ANKRD12: variants seen among roughly 807,000 people sequenced by gnomAD.
The protein encoded by ANKRD12 is ankyrin repeat domain-containing protein 12.
Under a neutral mutation model 183.4 loss-of-function variants are expected in ANKRD12, and 85 were observed. That is an observed-to-expected ratio of 0.46 (90% CI 0.39 to 0.56). The LOEUF is 0.56. Ranked by LOEUF, ANKRD12 falls within the 20% of genes least tolerant of loss-of-function variation. The probability of loss-of-function intolerance (pLI) is 0.00; values close to 1 mark genes in which losing one functional copy is unlikely to be tolerated. For missense variants in ANKRD12, 2,405 were observed against 2,357.1 expected, an observed-to-expected ratio of 1.02 and a Z score of -0.42; for synonymous variants, 914 against 800.2, an observed-to-expected ratio of 1.14 and a Z score of -2.40.
chr18:9,217,686 G>A (rs1452832911), intron 7 of ANKRD12, among the ~76,000 whole-genome samples: 1 of 152,078 alleles, frequency 6.6e-6, no homozygotes, highest in East Asian at 1.9e-4. Flanking sequence ...TCTTTTCTCT[G>A]TGCTCCTTTG....
chr18:9,217,092 A>G (rs2036150653), intron 7 of ANKRD12, among the ~76,000 whole-genome samples, 192 bp downstream of exon 7: 1 of 152,126 alleles, frequency 6.6e-6, no homozygotes, highest in Non-Finnish European at 1.5e-5. Context: ...TTTTCTTTTC[A>G]TAAAACCCTT....
At chr18:9,182,171 G>A (rs1039745042) in intron 1 of ANKRD12, among the ~76,000 whole-genome samples, 2 of 152,118 alleles carry the variant, frequency 1.3e-5, no homozygotes, top group African/African-American at 4.8e-5. Flanking sequence ...TACTTGTCTC[G>A]AGAATACAGG....
chr18:9,166,406 T>C (rs200001168), intron 1 of ANKRD12, among the ~76,000 whole-genome samples: 11,244 of 152,176 alleles, frequency 0.074, 428 homozygotes, highest in African/African-American at 0.083. Context: ...TTTTAATGAT[T>C]GCCATTCTGA....
chr18:9,225,499 TATATACATTTGAGATAACA>T, intron 8 of ANKRD12, among the ~76,000 whole-genome samples: 1 of 150,680 alleles, frequency 6.6e-6, no homozygotes, highest in East Asian at 1.9e-4. Flanking sequence ...AGTATTCAAA[TATATACATTTGAGATAACA>T]TACGTATTAA....
chr18:9,148,104 G>C (rs2078554175), intron 1 of ANKRD12, among the ~76,000 whole-genome samples: 1 of 152,150 alleles, frequency 6.6e-6, no homozygotes, highest in Non-Finnish European at 1.5e-5. Flanking sequence ...TGCAAGTAAA[G>C]CTGGCTAACC....
intron 1 of ANKRD12, among the ~76,000 whole-genome samples, chr18:9,143,102 G>A (rs2143376672): frequency 6.6e-6 from 1 of 152,170 alleles, no homozygotes; most frequent in South Asian, 2.1e-4. Flanking sequence ...GAAGTTACTT[G>A]GTAATCAAGG....
intron 8 of ANKRD12, among the ~76,000 whole-genome samples, chr18:9,250,840 C>T (rs1269447162): frequency 6.6e-6 from 1 of 152,086 alleles, no homozygotes; most frequent in African/African-American, 2.4e-5. Flanking sequence ...GGTTGGTATG[C>T]CACGGAGGTG....
intron 1 of ANKRD12, among the ~76,000 whole-genome samples, chr18:9,165,319 C>T (rs190292268): frequency 1.3e-4 from 20 of 151,900 alleles, no homozygotes; most frequent in Middle Eastern, 3.4e-3. Flanking sequence ...CTTTTTTTGG[C>T]GGGGGGCAAT....
intron 8 of ANKRD12, among the ~76,000 whole-genome samples, chr18:9,251,238 C>T (rs1034486): frequency 0.11 from 16,777 of 152,144 alleles, 1,081 homozygotes; most frequent in African/African-American, 0.16. Flanking sequence ...CCACTATATA[C>T]TGTTATCTCC....
rs1238353494 is a variant in ANKRD12, at chr18:9,136,904, G to A, written c.-113G>A. The A allele has an allele frequency of 1.3e-5, 2 of 152,434 alleles. No homozygotes were observed. Among genetic ancestry groups the A allele is most frequent in the Non-Finnish European group, 2.9e-5 (2 of 68,230 alleles). 9.4% of individuals were successfully genotyped at this position (152,434 alleles called of 1,614,324 possible). A position where few individuals can be genotyped will look rare whatever the true frequency, so the allele number is the denominator to read the frequency against. On this transcript the variant is annotated 5_prime_UTR_variant, in exon 1 of 13. Transcript: ENST00000262126. ...TGCAGCGGCGACGAAGACAACGACAGCGACGGCTACGCCGAAGCACTCGTT... is the reference window on the plus strand; with the variant it reads ...TGCAGCGGCGACGAAGACAACGACAACGACGGCTACGCCGAAGCACTCGTT...
chr18:9,256,545 A>G lies in ANKRD12; in HGVS notation c.3278A>G (p.Gln1093Arg). The change falls in exon 9 of 13, where the codon CAG becomes CGG. Residue 1093 changes from glutamine (Q) to arginine (R), a missense_variant. Gln to Arg is a conservative substitution (Grantham distance 43, BLOSUM62 1). Coordinates refer to ENST00000262126, the MANE Select transcript of ANKRD12 (RefSeq NM_015208.5). The part of the protein sequence containing the change: ...MLSLKDLEIE[Q>R]WHKKHKEKIK... ...AGCCTTAAAGACCTAGAAATAGAAC[A>G]GTGGCACAAAAAACATAAGGAAAAA... 1 of 1,599,718 alleles carries G rather than the reference A, an allele frequency of 6.3e-7. No homozygotes were observed. The highest frequency in any genetic ancestry group is 8.5e-7 in the Non-Finnish European group (1 of 1,176,630).
chr18:9,236,864 A>G (rs1420242295), intron 8 of ANKRD12, among the ~76,000 whole-genome samples: 1 of 152,148 alleles, frequency 6.6e-6, no homozygotes, highest in Non-Finnish European at 1.5e-5. Flanking sequence ...TGAAGTGACA[A>G]GTTATGGGCA....
intron 1 of ANKRD12, among the ~76,000 whole-genome samples, chr18:9,162,302 GTTTTC>G (rs1185038529): frequency 3.3e-5 from 5 of 151,686 alleles, no homozygotes; most frequent in African/African-American, 1.2e-4. Context: ...GTGGTGTTTG[GTTTTC>G]TTTTCCTGTG....
At chr18:9,157,481 G>A (rs1168919554) in intron 1 of ANKRD12, among the ~76,000 whole-genome samples, 3 of 151,042 alleles carry the variant, frequency 2.0e-5, no homozygotes, top group South Asian at 4.2e-4. Flanking sequence ...ATTGTAAGTC[G>A]AACCATTGTA....
In ANKRD12 at chr18:9,239,335, A is replaced by T. The variant is rs2037525490; in HGVS notation, c.944-14876A>T. On this transcript the variant is annotated intron_variant, in intron 8 of 12. Coordinates refer to ENST00000262126, the MANE Select transcript of ANKRD12 (RefSeq NM_015208.5). ...CTTGCTTTTAGAAAGAAGTGCTGCAACAAATTTTCCCACGGAAGAAGGGAG... is the reference window on the plus strand; with the variant it reads ...CTTGCTTTTAGAAAGAAGTGCTGCATCAAATTTTCCCACGGAAGAAGGGAG... 1.6e-5 allele frequency: 3 copies of T among 186,198 alleles called. No individual in the cohort carries two copies. In the South Asian group the frequency reaches 3.4e-4, roughly 21 times the overall value. 11.5% of individuals were successfully genotyped at this position (186,198 alleles called of 1,614,324 possible). A position where few individuals can be genotyped will look rare whatever the true frequency, so the allele number is the denominator to read the frequency against.
intron 1 of ANKRD12, among the ~76,000 whole-genome samples, chr18:9,165,360 CAT>C (rs1289413934): frequency 6.6e-6 from 1 of 152,084 alleles, no homozygotes; most frequent in Non-Finnish European, 1.5e-5. Flanking sequence ...ATATACATAA[CAT>C]AGAATTTGGC....
intron 1 of ANKRD12, among the ~76,000 whole-genome samples, chr18:9,153,293 T>A (rs1233327833): frequency 6.6e-6 from 1 of 152,278 alleles, no homozygotes; most frequent in Non-Finnish European, 1.5e-5. Context: ...GTTTGAGTAA[T>A]GATTTTGGTT....
At chr18:9,268,869 A>G (rs576710728) in intron 10 of ANKRD12, among the ~76,000 whole-genome samples, 2 of 152,306 alleles carry the variant, frequency 1.3e-5, no homozygotes, top group Non-Finnish European at 2.9e-5. Context: ...ATATCTAGAA[A>G]ACCCCATCGT....
Position 9,257,622 on chromosome 18 carries a change from G to A in ANKRD12, c.4355G>A (p.Cys1452Tyr), listed in dbSNP as rs1367566999. ...PDQESSLQSFCNSENKVLKEN... is the reference protein window; with the variant it reads ...PDQESSLQSFYNSENKVLKEN... Reference sequence around the variant, plus strand: ...CAAGAATCCTCTCTTCAGAGTTTTTGTAATTCTGAAAATAAGGTATTGAAA... The same window carrying A: ...CAAGAATCCTCTCTTCAGAGTTTTTATAATTCTGAAAATAAGGTATTGAAA... The change falls in exon 9 of 13, where the codon TGT becomes TAT. Residue 1452 changes from cysteine (C) to tyrosine (Y), a missense_variant. By Grantham distance (194) the Cys-to-Tyr change is radical. Transcript: ENST00000262126. The A allele has an allele frequency of 1.7e-5, 27 of 1,613,834 alleles. No individual in the cohort carries two copies. The highest frequency in any genetic ancestry group is 2.3e-5 in the Non-Finnish European group (27 of 1,179,970).
Sources: gnomAD v4.1 joint callset for allele counts (sites outside exome capture counted in the v4.1 genomes callset) on GRCh38, gnomAD v4.1.1 for gene constraint, MANE v1.5 for transcripts, NCBI Gene and HGNC (gene_info 2026-07-23, HGNC 2026-07-21) for gene names.